The following MATN2 variants were observed in gnomAD, a reference collection of about 807,000 sequenced individuals.
MATN2 encodes matrilin 2.
In MATN2, 69 loss-of-function variants were observed where a neutral mutation model predicts 103.2. That is an observed-to-expected ratio of 0.67 (90% CI 0.55 to 0.82). The LOEUF (loss-of-function observed/expected upper bound fraction) is 0.82. Among genes scored for constraint, MATN2 ranks in the 40% least tolerant of loss-of-function variants. MATN2 has a pLI of 0.00. For missense variants in MATN2, 1,023 were observed against 1,211.5 expected (o/e 0.84, Z 2.31); for synonymous variants, 429 against 450.2 (o/e 0.95, Z 0.60).
At chr8:97,949,879 C>T (rs1460365785) in intron 4 of MATN2, among the ~76,000 whole-genome samples, 1 of 152,148 alleles carries the variant, frequency 6.6e-6, no homozygotes, top group African/African-American at 2.4e-5. Flanking sequence ...AATCACTATG[C>T]TGAATGAAAG....
chr8:97,923,701 C>A (rs1809890940), intron 2 of MATN2, among the ~76,000 whole-genome samples: 1 of 152,062 alleles, frequency 6.6e-6, no homozygotes, highest in Admixed American at 6.6e-5. Context: ...GGATAACAGG[C>A]GCCTGCCACC....
intron 1 of MATN2, among the ~76,000 whole-genome samples, chr8:97,875,612 A>G (rs1159675337): frequency 6.7e-6 from 1 of 150,322 alleles, no homozygotes. Context: ...CTATCACCAT[A>G]GGTTAATTTT....
At chr8:97,974,647 A>G (rs1010880254) in intron 5 of MATN2, among the ~76,000 whole-genome samples, 3 of 151,974 alleles carry the variant, frequency 2.0e-5, no homozygotes, top group Middle Eastern at 6.8e-3. Flanking sequence ...GGGTTTCACC[A>G]TGTTGGCCAG....
intron 2 of MATN2, among the ~76,000 whole-genome samples, chr8:97,908,995 G>C (rs1819273730): frequency 6.6e-6 from 1 of 152,016 alleles, no homozygotes; most frequent in Admixed American, 6.6e-5. Context: ...CTGGAGGGCA[G>C]TGCCCTGATC....
chr8:97,958,561 A>G (rs1469203371), intron 4 of MATN2, among the ~76,000 whole-genome samples: 1 of 152,236 alleles, frequency 6.6e-6, no homozygotes, highest in African/African-American at 2.4e-5. Context: ...AAGAATGTTT[A>G]AAGGTCCTCA....
intron 6 of MATN2, among the ~76,000 whole-genome samples, chr8:97,990,463 CTCAT>C (rs535967761): frequency 7.6e-4 from 116 of 152,272 alleles, no homozygotes; most frequent in African/African-American, 2.7e-3. Context: ...TCCCATATGA[CTCAT>C]TCATTATGCA....
At chr8:97,928,519 C>T (rs947892466) in intron 2 of MATN2, among the ~76,000 whole-genome samples, 1 of 152,220 alleles carries the variant, frequency 6.6e-6, no homozygotes, top group Non-Finnish European at 1.5e-5. Flanking sequence ...AGCCACTGCA[C>T]CTGGCTGAAA....
intron 6 of MATN2, among the ~76,000 whole-genome samples, chr8:97,990,878 AG>A (rs1812367968): frequency 1.3e-5 from 2 of 152,210 alleles, no homozygotes. Context: ...TGAATTAGCA[AG>A]AGACAGGAGG....
Position 97,931,378 on chromosome 8 carries a change from C to T in MATN2, c.568C>T (p.Leu190=). 1 of 1,613,816 alleles carries T rather than the reference C, an allele frequency of 6.2e-7. No homozygotes were observed. The highest frequency in any genetic ancestry group is 8.5e-7 in the Non-Finnish European group (1 of 1,179,872). The stretch of plus-strand genomic sequence containing the variant: ...TGCTAAGGCACGGGACACGGGCATC[C>T]TAATCTTTGCCATTGGTGTGGGCCA... ...VAAKARDTGI[L]IFAIGVGQVD... is the part of the protein sequence containing the mutation. Residue 190 remains leucine, a synonymous_variant, in exon 3 of 19, where the codon CTA becomes TTA. Transcript: ENST00000254898. This position sits in a 1 kb window ranked among gnomAD's most constrained non-coding sequence, Gnocchi z 4.1.
intron 4 of MATN2, among the ~76,000 whole-genome samples, chr8:97,947,882 A>G (rs1041156751): frequency 2.0e-5 from 3 of 152,230 alleles, no homozygotes; most frequent in African/African-American, 7.2e-5. Flanking sequence ...ATTCTGAATC[A>G]TTGCTCCTAG....
rs1810184642 is a variant in MATN2 at position 97,931,325 on chromosome 8, G to A, written c.515G>A (p.Arg172Lys). Reference sequence around the variant, plus strand: ...GTCATAATGATCGTGACAGATGGGAGACCTCAGGACTCCGTGGCCGAGGTG... The same window carrying A: ...GTCATAATGATCGTGACAGATGGGAAACCTCAGGACTCCGTGGCCGAGGTG... ...PRVIMIVTDG[R>K]PQDSVAEVAA... Residue 172 changes from arginine to lysine, a missense_variant, in exon 3 of 19, where the codon AGA becomes AAA. Physicochemically the swap from Arg to Lys is conservative, Grantham distance 26 (BLOSUM62 2). Coordinates refer to ENST00000254898, the MANE Select transcript of MATN2 (RefSeq NM_002380.5). This position sits in a 1 kb window ranked among gnomAD's most constrained non-coding sequence, Gnocchi z 4.1. The A allele has an allele frequency of 1.2e-6, 2 of 1,613,910 alleles. No individual in the cohort carries two copies. The highest frequency in any genetic ancestry group is 1.7e-6 in the Non-Finnish European group (2 of 1,179,868).
chr8:97,920,166 A>C (rs899161376), intron 2 of MATN2, among the ~76,000 whole-genome samples: 1 of 152,178 alleles, frequency 6.6e-6, no homozygotes, highest in African/African-American at 2.4e-5. Context: ...CTTTGATGGA[A>C]TAGCTCCCCA....
Position 97,930,951 on chromosome 8 carries a change from A to C in MATN2, c.143-2A>C. ...TGTATTTGACCTCTCCTCTTTCCCCAGAGAGTTCCTGTGAGAACAAGCGGG... is the reference window on the plus strand; with the variant it reads ...TGTATTTGACCTCTCCTCTTTCCCCCGAGAGTTCCTGTGAGAACAAGCGGG... On this transcript the variant is annotated splice_acceptor_variant, in intron 2 of 18. Coordinates refer to ENST00000254898, the MANE Select transcript of MATN2 (RefSeq NM_002380.5). LOFTEE classifies it high-confidence loss of function. 2 of 1,599,834 alleles carry C rather than the reference A, an allele frequency of 1.3e-6. No homozygotes were observed. The highest frequency in any genetic ancestry group is 1.7e-6 in the Non-Finnish European group (2 of 1,171,502).
chr8:97,896,059 T>C (rs1048082969), intron 2 of MATN2, among the ~76,000 whole-genome samples: 1 of 152,148 alleles, frequency 6.6e-6, no homozygotes, highest in Non-Finnish European at 1.5e-5. Context: ...CCATCTGTAT[T>C]TGGAGGTGCT....
At chr8:97,902,843 C>G (rs1379349220) in intron 2 of MATN2, among the ~76,000 whole-genome samples, 2 of 152,160 alleles carry the variant, frequency 1.3e-5, no homozygotes, top group East Asian at 3.9e-4. Context: ...GCTCGTTACC[C>G]ACTCCCCTCA....
At chr8:97,930,811 A>G (rs1810156729) in intron 2 of MATN2, 142 bp from the exon 3 acceptor site, 2 of 574,482 alleles carry the variant, frequency 3.5e-6, no homozygotes, top group Non-Finnish European at 6.1e-6. Flanking sequence ...TAGTAGAGAC[A>G]GGGTTTTACA....
intron 5 of MATN2, among the ~76,000 whole-genome samples, chr8:97,972,740 G>A (rs147253274): frequency 6.6e-6 from 1 of 152,350 alleles, no homozygotes; most frequent in African/African-American, 2.4e-5. Flanking sequence ...CACATGTTGG[G>A]CAGAGAATGA....
rs374977318 is a variant in MATN2 at position 98,016,571 on chromosome 8, T to C, written c.1605T>C (p.Gly535=). 771 of 1,610,930 alleles carry C rather than the reference T, an allele frequency of 4.8e-4. 2 individuals are homozygous for C. The highest frequency in any genetic ancestry group is 6.3e-4 in the Non-Finnish European group (741 of 1,178,416). The part of the protein sequence containing the change: ...KLDSCALGDH[G]CEHSCVSSED... ...ACTCTTGTGCTCTGGGGGACCACGG[T>C]TGTGAACATTCGTGTGTAAGCAGTG... The change falls in exon 11 of 19, where the codon GGT becomes GGC. Residue 535 remains glycine, a synonymous_variant. Coordinates refer to ENST00000254898, the MANE Select transcript of MATN2 (RefSeq NM_002380.5).
At chr8:97,909,390 C>T (rs916005128) in intron 2 of MATN2, among the ~76,000 whole-genome samples, 1 of 152,202 alleles carries the variant, frequency 6.6e-6, no homozygotes, top group Non-Finnish European at 1.5e-5. Flanking sequence ...TGGTTTCTTT[C>T]ATTTAGCATA....
Sources: gnomAD v4.1 joint callset for allele counts (sites outside exome capture counted in the v4.1 genomes callset) on GRCh38, gnomAD v4.1.1 for gene constraint, Gnocchi (gnomAD v3.1) non-coding constraint, MANE v1.5 for transcripts, NCBI Gene and HGNC (gene_info 2026-07-23, HGNC 2026-07-21) for gene names.